NRG3: variants seen among roughly 807,000 people sequenced by gnomAD.
NRG3 encodes the protein pro-neuregulin-3, membrane-bound isoform.
NRG3 carries 31 observed loss-of-function variants against 66.9 expected under a neutral mutation model. The observed-to-expected ratio is 0.46, with a 90% CI of 0.35 to 0.63. The LOEUF (loss-of-function observed/expected upper bound fraction) is 0.63, where lower values mean the gene tolerates loss of function less well. Ranked by LOEUF, NRG3 falls within the 20% of genes least tolerant of loss-of-function variation. NRG3 has a pLI of 0.00. For missense variants in NRG3, 910 were observed against 878.9 expected (o/e 1.04, Z -0.45); for synonymous variants, 393 against 359.4 (o/e 1.09, Z -1.06).
At chr10:82,869,438 T>C (rs575589753) in intron 4 of NRG3, among the ~76,000 whole-genome samples, 1 of 152,298 alleles carries the variant, frequency 6.6e-6, no homozygotes, top group East Asian at 1.9e-4. Flanking sequence ...ATACTTTCTA[T>C]AGATTCAGAC....
At chr10:82,620,779 C>G (rs2048994163) in intron 2 of NRG3, among the ~76,000 whole-genome samples, 1 of 152,110 alleles carries the variant, frequency 6.6e-6, no homozygotes, top group African/African-American at 2.4e-5. Flanking sequence ...TCACCCACCC[C>G]TGTCTGCCCA....
At chr10:82,407,801 T>C (rs1179862651) in intron 2 of NRG3, among the ~76,000 whole-genome samples, 1 of 152,050 alleles carries the variant, frequency 6.6e-6, no homozygotes, top group East Asian at 1.9e-4. Context: ...CCGGGTGTGG[T>C]GGCTCATGCC....
chr10:82,977,711 T>C (rs1268440206), intron 7 of NRG3, among the ~76,000 whole-genome samples: 2 of 151,776 alleles, frequency 1.3e-5, no homozygotes, highest in Non-Finnish European at 2.9e-5. Flanking sequence ...TTGAGGAATA[T>C]AAAGTTTGAT....
At chr10:81,930,342 A>G (rs988219621) in intron 1 of NRG3, among the ~76,000 whole-genome samples, 1 of 152,122 alleles carries the variant, frequency 6.6e-6, no homozygotes, top group African/African-American at 2.4e-5. Flanking sequence ...TCAAAAATTC[A>G]CTAGAATGAC....
At chr10:82,897,260 G>T (rs867113687) in intron 4 of NRG3, among the ~76,000 whole-genome samples, 2 of 152,114 alleles carry the variant, frequency 1.3e-5, no homozygotes, top group Non-Finnish European at 2.9e-5. Context: ...AAAAATAGAC[G>T]TTCCTAAACC....
intron 1 of NRG3, chr10:82,232,674 C>T (rs999490190): frequency 7.1e-6 from 5 of 699,944 alleles, no homozygotes; most frequent in South Asian, 4.6e-5. Context: ...ATGAGACAAT[C>T]GGCCAGATGG....
intron 1 of NRG3, among the ~76,000 whole-genome samples, chr10:81,931,452 A>G (rs1200162816): frequency 2.0e-5 from 3 of 152,154 alleles, no homozygotes; most frequent in Admixed American, 1.3e-4. Context: ...TGGGGGATTC[A>G]ATTTCCACAC....
At chr10:82,941,384 G>A (rs921933014) in intron 4 of NRG3, among the ~76,000 whole-genome samples, 24 of 151,942 alleles carry the variant, frequency 1.6e-4, no homozygotes, top group Admixed American at 1.2e-3. Flanking sequence ...ATTTTTATCT[G>A]CAAGTTAAAA....
At chr10:81,926,481 AC>A (rs1195250166) in intron 1 of NRG3, among the ~76,000 whole-genome samples, 2 of 152,134 alleles carry the variant, frequency 1.3e-5, no homozygotes, top group Non-Finnish European at 2.9e-5. Flanking sequence ...TAGAGAATTT[AC>A]CCACATAACT....
At chr10:82,518,167 G>C (rs1845873995) in intron 2 of NRG3, among the ~76,000 whole-genome samples, 1 of 152,178 alleles carries the variant, frequency 6.6e-6, no homozygotes, top group Non-Finnish European at 1.5e-5. Context: ...GTACCTAAAA[G>C]TGTACCTAGC....
rs186285008 is a variant in NRG3, at chr10:82,811,101, A to G, written c.1028-54310A>G. Among the ~76,000 whole-genome samples the G allele has an allele frequency of 8.5e-4, 130 of 152,288 alleles. 3 individuals carry two copies. The East Asian group carries it at 0.023, about 27-fold the overall frequency. The stretch of plus-strand genomic sequence containing the variant: ...GGGGCTCCTTTGAGCCTCCTTTGCA[A>G]AATAGCCATATCTGTCTCCCAAGCA... On this transcript the variant is annotated intron_variant, in intron 3 of 8. Transcript: ENST00000372141.
At chr10:82,745,016 A>G (rs1453941094) in intron 3 of NRG3, among the ~76,000 whole-genome samples, 7 of 152,190 alleles carry the variant, frequency 4.6e-5, no homozygotes, top group Non-Finnish European at 1.5e-5. Flanking sequence ...GGCCTCGAAT[A>G]TCTCCAGTTG....
At chr10:82,394,229 G>T (rs1394789456) in intron 2 of NRG3, among the ~76,000 whole-genome samples, 1 of 152,132 alleles carries the variant, frequency 6.6e-6, no homozygotes, top group Non-Finnish European at 1.5e-5. Context: ...ACTCTGCTTG[G>T]CATGCTCTCC....
rs1406777862 is a variant in NRG3 at position 81,937,917 on chromosome 10, A to G, written c.823+61754A>G. ...TAACCCATTTTTAACTAATTTTTAT[A>G]TATGATGTAAGGCTAGAGTCCAACT... On this transcript the variant is annotated intron_variant, in intron 1 of 8. Coordinates refer to ENST00000372141, the MANE Select transcript of NRG3 (RefSeq NM_001010848.4). Among the ~76,000 whole-genome samples, 3 of 152,076 alleles carry G rather than the reference A, an allele frequency of 2.0e-5. No homozygotes were observed. In the South Asian group the frequency reaches 6.2e-4, roughly 32 times the overall value.
chr10:82,131,533 T>C (rs1176077937), intron 1 of NRG3, among the ~76,000 whole-genome samples: 1 of 50 alleles, frequency 0.02, no homozygotes, highest in Non-Finnish European at 0.038. Flanking sequence ...CTTTTGTGGT[T>C]TCCCTATCAA....
chr10:82,614,012 G>A (rs990827308), intron 2 of NRG3, among the ~76,000 whole-genome samples: 6 of 151,860 alleles, frequency 4.0e-5, no homozygotes, highest in Non-Finnish European at 8.8e-5. Context: ...AAGCAATTCT[G>A]CCTCAGCCTC....
chr10:82,321,641 A>G (rs1564793448), intron 1 of NRG3, among the ~76,000 whole-genome samples: 1 of 152,150 alleles, frequency 6.6e-6, no homozygotes, highest in Non-Finnish European at 1.5e-5. Flanking sequence ...TTCCTCGGCT[A>G]TTCTATAGTT....
At chr10:82,798,829 T>G (rs1333092568) in intron 3 of NRG3, among the ~76,000 whole-genome samples, 1 of 152,200 alleles carries the variant, frequency 6.6e-6, no homozygotes, top group Admixed American at 6.5e-5. Context: ...TAATCTCACA[T>G]CAACTTGATT....
Position 82,921,490 on chromosome 10 carries a change from C to T in NRG3, c.1055-29979C>T, listed in dbSNP as rs536827432. The stretch of plus-strand genomic sequence containing the variant: ...GTGTTGATTCATTCATTGTGACGAA[C>T]GTACTGTACTAATGTAAGATGTTGA... On this transcript the variant is annotated intron_variant, in intron 4 of 8. Transcript: ENST00000372141. 3.9e-5 allele frequency among the ~76,000 whole-genome samples: 6 copies of T among 152,172 alleles called. No individual in the cohort carries two copies. In the South Asian group the frequency reaches 1.0e-3, roughly 26 times the overall value.
Sources: gnomAD v4.1 joint callset for allele counts (sites outside exome capture counted in the v4.1 genomes callset) on GRCh38, gnomAD v4.1.1 for gene constraint, MANE v1.5 for transcripts, NCBI Gene and HGNC (gene_info 2026-07-23, HGNC 2026-07-21) for gene names.